Variants in LRRTM4 observed in about 807,000 individuals in gnomAD.
LRRTM4 encodes the protein leucine-rich repeat transmembrane neuronal protein 4.
LRRTM4 carries 25 observed loss-of-function variants against 47.6 expected under a neutral mutation model. That is an observed-to-expected ratio of 0.53 (90% CI 0.38 to 0.73). The LOEUF is 0.73. Among genes scored for constraint, LRRTM4 ranks in the 30% least tolerant of loss-of-function variants. The pLI is 0.00. For synonymous variants in LRRTM4, 311 were observed against 269.5 expected, an observed-to-expected ratio of 1.15 and a Z score of -1.51; for missense variants, 638 against 713.4, an observed-to-expected ratio of 0.89 and a Z score of 1.20.
At chr2:77,312,833 T>C (rs1040465489) in intron 3 of LRRTM4, among the ~76,000 whole-genome samples, 17 of 152,174 alleles carry the variant, frequency 1.1e-4, no homozygotes, top group Admixed American at 9.2e-4. Context: ...CTAGAATATG[T>C]TAAGGGAGAA....
intron 3 of LRRTM4, among the ~76,000 whole-genome samples, chr2:76,884,264 G>A (rs1459041993): frequency 6.6e-6 from 1 of 152,166 alleles, no homozygotes; most frequent in Non-Finnish European, 1.5e-5. Flanking sequence ...GAAGAAGAAA[G>A]AGTCTAAATG....
intron 3 of LRRTM4, among the ~76,000 whole-genome samples, chr2:77,323,769 A>G (rs1429183238): frequency 6.6e-6 from 1 of 152,100 alleles, no homozygotes; most frequent in East Asian, 1.9e-4. Flanking sequence ...ACCTTCCACC[A>G]TGGATGAGAC....
At chr2:76,791,002 C>A (rs988387048) in intron 3 of LRRTM4, among the ~76,000 whole-genome samples, 17 of 152,104 alleles carry the variant, frequency 1.1e-4, no homozygotes, top group African/African-American at 2.7e-4. Context: ...TTTCCAGTTA[C>A]ATGATAAGCT....
At chr2:76,950,167 G>C (rs999795583) in intron 3 of LRRTM4, among the ~76,000 whole-genome samples, 3 of 151,892 alleles carry the variant, frequency 2.0e-5, no homozygotes, top group Non-Finnish European at 4.4e-5. Context: ...ATTTCACTGG[G>C]AACTCAGTAA....
At chr2:76,849,084 C>A (rs965221942) in intron 3 of LRRTM4, among the ~76,000 whole-genome samples, 1 of 151,822 alleles carries the variant, frequency 6.6e-6, no homozygotes, top group Non-Finnish European at 1.5e-5. Flanking sequence ...TTAAGTGTCC[C>A]CTGAAGTATA....
chr2:76,747,991 A>G lies in LRRTM4; in HGVS notation c.*704T>C, dbSNP rs202122979. On this transcript the variant is annotated 3_prime_UTR_variant, in exon 4 of 4. Transcript: ENST00000409884. ...AATGGGACAAAACAAAATTCCTTCTATCATGTACCATATATGGCATTTGTC... is the reference window on the plus strand; with the variant it reads ...AATGGGACAAAACAAAATTCCTTCTGTCATGTACCATATATGGCATTTGTC... 6 of 152,196 alleles carry G rather than the reference A, an allele frequency of 3.9e-5. No individual in the cohort carries two copies. In the East Asian group the frequency reaches 7.7e-4, roughly 20 times the overall value. 9.4% of individuals were successfully genotyped at this position (152,196 alleles called of 1,614,324 possible). A position where few individuals can be genotyped will look rare whatever the true frequency, so the allele number is the denominator to read the frequency against.
chr2:77,504,428 T>C (rs1326530869), intron 3 of LRRTM4, among the ~76,000 whole-genome samples: 1 of 151,620 alleles, frequency 6.6e-6, no homozygotes, highest in Non-Finnish European at 1.5e-5. Flanking sequence ...AGGTAACTGA[T>C]GAGGTAAAAT....
At chr2:76,849,339 T>C (rs1671925792) in intron 3 of LRRTM4, among the ~76,000 whole-genome samples, 1 of 152,106 alleles carries the variant, frequency 6.6e-6, no homozygotes, top group Non-Finnish European at 1.5e-5. Context: ...TGGAACAGCA[T>C]AATCTCACTT....
At chr2:76,807,122 G>T (rs1676009669) in intron 3 of LRRTM4, among the ~76,000 whole-genome samples, 1 of 151,786 alleles carries the variant, frequency 6.6e-6, no homozygotes, top group Admixed American at 6.6e-5. Flanking sequence ...ACCCCAATAT[G>T]GAACTAAATA....
intron 3 of LRRTM4, among the ~76,000 whole-genome samples, chr2:76,839,251 C>T (rs563658157): frequency 3.3e-5 from 5 of 152,192 alleles, no homozygotes; most frequent in African/African-American, 1.2e-4. Flanking sequence ...ATTTTATCCT[C>T]AAATGACAAT....
chr2:77,170,790 T>TG (rs397700096), intron 3 of LRRTM4, among the ~76,000 whole-genome samples: 3 of 149,828 alleles, frequency 2.0e-5, no homozygotes, highest in African/African-American at 7.3e-5. Context: ...TTTCTTAGTT[T>TG]TTTCTATGTC....
chr2:77,115,264 T>G (rs62168771), intron 3 of LRRTM4, among the ~76,000 whole-genome samples: 30,821 of 152,094 alleles, frequency 0.2, 3,764 homozygotes, highest in Admixed American at 0.27. Context: ...TCAGACCTTA[T>G]GGTTATCTTC....
chr2:76,840,015 AC>A (rs1450987927), intron 3 of LRRTM4, among the ~76,000 whole-genome samples: 7 of 151,912 alleles, frequency 4.6e-5, no homozygotes, highest in Admixed American at 1.3e-4. Flanking sequence ...AATAAGGCAG[AC>A]CCCCTGCTGC....
At chr2:77,171,317 C>A in intron 3 of LRRTM4, among the ~76,000 whole-genome samples, 1 of 152,080 alleles carries the variant, frequency 6.6e-6, no homozygotes, top group East Asian at 1.9e-4. Context: ...ACCTCTGACG[C>A]CCAGGCAGGA....
intron 3 of LRRTM4, chr2:77,516,888 T>A (rs1162257708): frequency 2.0e-6 from 2 of 984,796 alleles, no homozygotes; most frequent in Non-Finnish European, 1.2e-6. Context: ...GCATTTGTAG[T>A]TAGGACTATG....
At chr2:77,347,317 G>T (rs1671599347) in intron 3 of LRRTM4, among the ~76,000 whole-genome samples, 1 of 152,070 alleles carries the variant, frequency 6.6e-6, no homozygotes, top group Non-Finnish European at 1.5e-5. Flanking sequence ...TAGCACCTTT[G>T]TAAATCTTTC....
intron 3 of LRRTM4, among the ~76,000 whole-genome samples, chr2:77,166,875 C>T (rs1289960655): frequency 6.6e-6 from 1 of 152,092 alleles, no homozygotes; most frequent in African/African-American, 2.4e-5. Context: ...CTAGGCAATA[C>T]CATTCAGGAC....
chr2:77,451,974 T>C (rs1189110657), intron 3 of LRRTM4, among the ~76,000 whole-genome samples: 1 of 152,124 alleles, frequency 6.6e-6, no homozygotes, highest in Non-Finnish European at 1.5e-5. Flanking sequence ...TGGTAACTAT[T>C]TACAGGCTAC....
At chr2:77,275,747 A>G (rs1350200967) in intron 3 of LRRTM4, among the ~76,000 whole-genome samples, 1 of 152,048 alleles carries the variant, frequency 6.6e-6, no homozygotes, top group Non-Finnish European at 1.5e-5. Flanking sequence ...ATTGCTTTTA[A>G]AGGCAGGTAT....
Sources: allele counts gnomAD v4.1 joint callset (sites outside exome capture counted in the v4.1 genomes callset), GRCh38; gene constraint gnomAD v4.1.1; transcripts MANE v1.5; gene names NCBI Gene and HGNC (gene_info 2026-07-23, HGNC 2026-07-21).